The following SMYD3 variants were observed in gnomAD, a reference collection of about 807,000 sequenced individuals.
SMYD3 encodes histone-lysine N-methyltransferase SMYD3.
SMYD3 carries 36 observed loss-of-function variants against 57.7 expected under a neutral mutation model. The ratio of observed to expected loss-of-function variants is 0.62; its 90% CI spans 0.48 to 0.82. The LOEUF (loss-of-function observed/expected upper bound fraction) is 0.82. SMYD3 is among the 40% of genes least tolerant of loss of function. The pLI, the probability that SMYD3 is intolerant of heterozygous loss-of-function variation, is 0.00. For synonymous variants in SMYD3, 211 were observed against 195.0 expected (o/e 1.08, Z -0.68); for missense variants, 515 against 538.8 (o/e 0.96, Z 0.44).
chr1:246,384,096 T>C (rs1164897626), intron 1 of SMYD3, among the ~76,000 whole-genome samples: 1 of 152,120 alleles, frequency 6.6e-6, no homozygotes, highest in Non-Finnish European at 1.5e-5. Context: ...TATATATGTA[T>C]CTCATATGAA....
intron 5 of SMYD3, among the ~76,000 whole-genome samples, chr1:246,248,395 T>C (rs1210245242): frequency 6.6e-6 from 1 of 152,148 alleles, no homozygotes; most frequent in Non-Finnish European, 1.5e-5. Context: ...CTCAAAATTG[T>C]TCATTTCTAA....
chr1:245,858,616 C>A lies in SMYD3; in HGVS notation c.956G>T (p.Arg319Leu). The change falls in exon 10 of 12, where the codon CGG becomes CTG. Residue 319 changes from arginine (R) to leucine (L), a missense_variant. By Grantham distance (102) the Arg-to-Leu change is moderately radical. Coordinates refer to ENST00000490107, the MANE Select transcript of SMYD3 (RefSeq NM_001167740.2). ...CQAIISSNSE[R>L]LPDINIYQLK... is the part of the protein sequence containing the mutation. Reference sequence around the variant, plus strand: ...CTGGTAGATGTTGATATCGGGAAGCCGTTCAGAATTGCTGCTTATGATTGC... The same window carrying A: ...CTGGTAGATGTTGATATCGGGAAGCAGTTCAGAATTGCTGCTTATGATTGC... The A allele has an allele frequency of 1.2e-6, 2 of 1,614,190 alleles. No homozygotes were observed. Among genetic ancestry groups the A allele is most frequent in the East Asian group, 2.2e-5 (1 of 44,884 alleles).
At chr1:246,014,771 T>A (rs769928756) in intron 5 of SMYD3, among the ~76,000 whole-genome samples, 1 of 152,066 alleles carries the variant, frequency 6.6e-6, no homozygotes, top group African/African-American at 2.4e-5. Context: ...CGCTTTGACA[T>A]CCTGAACTGA....
In SMYD3 at chr1:246,006,780, C is replaced by A. The variant is rs556181825; in HGVS notation, c.532-76843G>T. 3.3e-5 allele frequency among the ~76,000 whole-genome samples: 5 copies of A among 152,228 alleles called. No individual in the cohort carries two copies. In the South Asian group the frequency reaches 1.0e-3, roughly 32 times the overall value. On this transcript the variant is annotated intron_variant, in intron 5 of 11. Transcript: ENST00000490107. ...GAAGGAGCCCTCCACGCAGACCCCA[C>A]AGCTATATTAACTGTGCTTAACGTA...
intron 5 of SMYD3, among the ~76,000 whole-genome samples, chr1:246,209,271 T>C (rs1354645184): frequency 1.3e-5 from 2 of 151,962 alleles, no homozygotes; most frequent in East Asian, 1.9e-4. Context: ...CTGAACAATT[T>C]GAAATGTAAA....
At chr1:245,920,727 G>A (rs1236956360) in intron 7 of SMYD3, among the ~76,000 whole-genome samples, 3 of 152,240 alleles carry the variant, frequency 2.0e-5, no homozygotes, top group East Asian at 3.9e-4. Flanking sequence ...TTCAATAAAC[G>A]GTGCTAGGAC....
chr1:246,055,181 A>G (rs2060130452), intron 5 of SMYD3, among the ~76,000 whole-genome samples: 1 of 139,372 alleles, frequency 7.2e-6, no homozygotes, highest in African/African-American at 3.1e-5. Flanking sequence ...GTCTCAGAAA[A>G]AAACAAAAAA....
chr1:246,012,168 T>G (rs1006265160), intron 5 of SMYD3, among the ~76,000 whole-genome samples: 1 of 152,184 alleles, frequency 6.6e-6, no homozygotes, highest in Non-Finnish European at 1.5e-5. Context: ...TTTGTTGTCT[T>G]CTTGAGGGAA....
intron 5 of SMYD3, among the ~76,000 whole-genome samples, chr1:246,151,200 C>G (rs1037476049): frequency 2.2e-4 from 33 of 151,442 alleles, no homozygotes; most frequent in African/African-American, 8.0e-4. Context: ...GAGCCAAGAC[C>G]GTGCCACTGC....
intron 11 of SMYD3, among the ~76,000 whole-genome samples, chr1:245,754,803 T>A (rs982274329): frequency 1.3e-5 from 2 of 152,210 alleles, no homozygotes; most frequent in Non-Finnish European, 2.9e-5. Context: ...AACTTGGCCC[T>A]TGCCCTGGGA....
At chr1:246,028,905 T>C (rs1446350740) in intron 5 of SMYD3, among the ~76,000 whole-genome samples, 1 of 152,116 alleles carries the variant, frequency 6.6e-6, no homozygotes, top group African/African-American at 2.4e-5. Context: ...TAGCATAGAA[T>C]AGAGAACCTA....
intron 5 of SMYD3, among the ~76,000 whole-genome samples, chr1:246,159,372 A>G (rs1478624747): frequency 6.6e-6 from 1 of 152,086 alleles, no homozygotes; most frequent in Admixed American, 6.5e-5. Context: ...GTGATGAAGA[A>G]TGGGGAAGGC....
At chr1:245,805,848 G>A (rs1057396991) in intron 10 of SMYD3, among the ~76,000 whole-genome samples, 2 of 152,160 alleles carry the variant, frequency 1.3e-5, no homozygotes, top group African/African-American at 2.4e-5. Context: ...CAGAATCCAG[G>A]CTTGGGCACA....
At chr1:245,905,130 C>T (rs552065880) in intron 8 of SMYD3, among the ~76,000 whole-genome samples, 3 of 151,956 alleles carry the variant, frequency 2.0e-5, no homozygotes, top group South Asian at 2.1e-4. Flanking sequence ...GGTGAGTCTC[C>T]GGGACTTGCT....
chr1:246,500,482 G>GA (rs1485730337), intron 1 of SMYD3, among the ~76,000 whole-genome samples: 1 of 152,116 alleles, frequency 6.6e-6, no homozygotes, highest in Non-Finnish European at 1.5e-5. Context: ...CCAAGTACAG[G>GA]AAAAAAATTG....
chr1:245,805,990 C>G (rs910129921), intron 10 of SMYD3, among the ~76,000 whole-genome samples: 1 of 152,220 alleles, frequency 6.6e-6, no homozygotes, highest in African/African-American at 2.4e-5. Context: ...CCTACCCCAT[C>G]ATCTGATCAA....
At chr1:245,782,751 T>TA (rs1231592963) in intron 10 of SMYD3, among the ~76,000 whole-genome samples, 1 of 152,146 alleles carries the variant, frequency 6.6e-6, no homozygotes, top group East Asian at 1.9e-4. Flanking sequence ...GATTTAAATA[T>TA]AAAAAAATTA....
At chr1:246,154,649 T>A (rs943289626) in intron 5 of SMYD3, among the ~76,000 whole-genome samples, 2 of 152,162 alleles carry the variant, frequency 1.3e-5, no homozygotes, top group African/African-American at 4.8e-5. Context: ...ACAAGAAGTA[T>A]CACAACAGAG....
chr1:245,921,054 T>C (rs137924479), intron 7 of SMYD3, among the ~76,000 whole-genome samples: 1 of 152,290 alleles, frequency 6.6e-6, no homozygotes, highest in Non-Finnish European at 1.5e-5. Flanking sequence ...AAAGGTCTAA[T>C]ACCCAGAATC....
Sources: allele counts gnomAD v4.1 joint callset (sites outside exome capture counted in the v4.1 genomes callset), GRCh38; gene constraint gnomAD v4.1.1; transcripts MANE v1.5; gene names NCBI Gene and HGNC (gene_info 2026-07-23, HGNC 2026-07-21).